GIGYF2: variants seen among roughly 807,000 people sequenced by gnomAD.
GIGYF2 encodes the protein GRB10 interacting GYF protein 2.
Under a neutral mutation model 208.1 loss-of-function variants are expected in GIGYF2, and 25 were observed. The ratio of observed to expected loss-of-function variants is 0.12; its 90% CI spans 0.09 to 0.17. The LOEUF (loss-of-function observed/expected upper bound fraction) is 0.17, where lower values mean the gene tolerates loss of function less well. Among genes scored for constraint, GIGYF2 ranks in the 10% least tolerant of loss-of-function variants. The pLI, the probability that GIGYF2 is intolerant of heterozygous loss-of-function variation, is 1.00. For synonymous variants in GIGYF2, 534 were observed against 543.8 expected (o/e 0.98, Z 0.25); for missense variants, 1,302 against 1,579.4 (o/e 0.82, Z 2.98).
intron 2 of GIGYF2, among the ~76,000 whole-genome samples, chr2:232,731,523 A>G (rs1467201501): frequency 6.6e-6 from 1 of 152,196 alleles, no homozygotes; most frequent in Non-Finnish European, 1.5e-5. Context: ...AAACCTTACA[A>G]TTGATGTGGT....
chr2:232,749,769 CTTAAG>C (rs1559402323), intron 5 of GIGYF2, among the ~76,000 whole-genome samples: 1 of 152,020 alleles, frequency 6.6e-6, no homozygotes, highest in African/African-American at 2.4e-5. Flanking sequence ...CTTTTTGACT[CTTAAG>C]GAAAAGGTAA....
chr2:232,747,908 C>G (rs940745670), intron 4 of GIGYF2, among the ~76,000 whole-genome samples, 164 bp downstream of exon 4: 1 of 151,952 alleles, frequency 6.6e-6, no homozygotes, highest in Non-Finnish European at 1.5e-5. Context: ...AACAGAGGAT[C>G]TTCTAAGTGT....
intron 3 of GIGYF2, among the ~76,000 whole-genome samples, chr2:232,746,519 T>C (rs1424916653): frequency 6.6e-6 from 1 of 152,202 alleles, no homozygotes; most frequent in African/African-American, 2.4e-5. Flanking sequence ...GTTTTTCCAC[T>C]TGCTGTCTGA....
At chr2:232,763,058 G>T (rs1698812007) in intron 8 of GIGYF2, among the ~76,000 whole-genome samples, 1 of 152,034 alleles carries the variant, frequency 6.6e-6, no homozygotes, top group African/African-American at 2.4e-5. Context: ...TGAGGAAATT[G>T]GGAACAGACT....
chr2:232,772,203 C>T (rs939707582), intron 8 of GIGYF2, among the ~76,000 whole-genome samples: 7 of 152,128 alleles, frequency 4.6e-5, no homozygotes, highest in African/African-American at 1.7e-4. Flanking sequence ...GGTGAGCCAC[C>T]ATACCTGGTC....
At chr2:232,835,833 G>T (rs1701571027) in intron 22 of GIGYF2, among the ~76,000 whole-genome samples, 1 of 152,048 alleles carries the variant, frequency 6.6e-6, no homozygotes, top group African/African-American at 2.4e-5. Flanking sequence ...TCCACTTATT[G>T]CTAGCTGATT....
chr2:232,775,225 C>T (rs1393835518), intron 8 of GIGYF2, among the ~76,000 whole-genome samples: 4 of 152,190 alleles, frequency 2.6e-5, no homozygotes, highest in East Asian at 1.9e-4. Context: ...GTGTAGAGAA[C>T]GCAGGATAAG....
At position 232,797,489 on chromosome 2, in the gene GIGYF2, TTGTGTGTGTGTGTGTGTG is replaced by T. The variant is rs67221198; in HGVS notation, c.1639+1288_1639+1305del. On this transcript the variant is annotated intron_variant, in intron 14 of 28. Coordinates refer to ENST00000373563, the MANE Select transcript of GIGYF2 (RefSeq NM_001103146.3). ...CTGGTAAGATACACGAGAGCAGGGCTTGTGTGTGTGTGTGTGTGTGTGTGTGTGTGTGTGTGTTTTAAC... is the reference window on the plus strand; with the variant it reads ...CTGGTAAGATACACGAGAGCAGGGCTTGTGTGTGTGTGTGTGTGTTTTAAC... 6.2e-5 allele frequency among the ~76,000 whole-genome samples: 9 copies of T among 145,090 alleles called. No homozygotes were observed. In the South Asian group the frequency reaches 2.0e-3, roughly 33 times the overall value.
chr2:232,754,478 T>C (rs1698456675), intron 5 of GIGYF2, among the ~76,000 whole-genome samples: 1 of 152,234 alleles, frequency 6.6e-6, no homozygotes, highest in African/African-American at 2.4e-5. Flanking sequence ...TGTGAAAATA[T>C]ATGAGTGTGT....
chr2:232,704,933 C>T (rs1179495134), intron 2 of GIGYF2, among the ~76,000 whole-genome samples: 1 of 133,748 alleles, frequency 7.5e-6, no homozygotes, highest in East Asian at 2.4e-4. Context: ...GATCTCTGCT[C>T]ACTGCAAGCT....
At chr2:232,782,056 A>T (rs1182077922) in intron 8 of GIGYF2, among the ~76,000 whole-genome samples, 2 of 152,154 alleles carry the variant, frequency 1.3e-5, no homozygotes, top group Non-Finnish European at 2.9e-5. Flanking sequence ...GGACCTGGGG[A>T]TCAGGTGCTA....
At chr2:232,836,804 C>T (rs951322233) in intron 22 of GIGYF2, among the ~76,000 whole-genome samples, 2 of 152,132 alleles carry the variant, frequency 1.3e-5, no homozygotes, top group African/African-American at 4.8e-5. Context: ...TTTATCCCAA[C>T]TTCTACTGTT....
intron 26 of GIGYF2, among the ~76,000 whole-genome samples, chr2:232,847,117 A>G (rs997364743): frequency 2.0e-5 from 3 of 152,266 alleles, no homozygotes; most frequent in Non-Finnish European, 4.4e-5. Context: ...TTCAGTCAGT[A>G]TAACATTCAG....
At chr2:232,797,526 T>TGTGTGTGTGTG (rs1553614943) in intron 14 of GIGYF2, among the ~76,000 whole-genome samples, 2 of 150,646 alleles carry the variant, frequency 1.3e-5, no homozygotes, top group African/African-American at 4.9e-5. Context: ...TGTGTGTGTG[T>TGTGTGTGTGTG]TTTAACCAAA....
intron 22 of GIGYF2, 64 bp from the exon 23 acceptor site, chr2:232,839,785 T>C: frequency 6.5e-7 from 1 of 1,550,150 alleles, no homozygotes; most frequent in South Asian, 1.1e-5. Flanking sequence ...CATAATGCAT[T>C]ATTGCTTCTT....
intron 21 of GIGYF2, among the ~76,000 whole-genome samples, chr2:232,828,957 A>T (rs1469980391): frequency 6.6e-6 from 1 of 152,302 alleles, no homozygotes; most frequent in Non-Finnish European, 1.5e-5. Flanking sequence ...GTAGTGTTTC[A>T]TGAATGACAA....
At chr2:232,760,211 CT>C (rs1420957106) in intron 6 of GIGYF2, 50 of 320,222 alleles carry the variant, frequency 1.6e-4, no homozygotes, top group African/African-American at 1.0e-3. Context: ...CGTTAAAGAA[CT>C]TAAAGTTGAT....
At chr2:232,766,755 G>A (rs1698979332) in intron 8 of GIGYF2, 1 of 152,158 alleles carries the variant, frequency 6.6e-6, no homozygotes, top group African/African-American at 2.4e-5. Flanking sequence ...GTGACTTGCT[G>A]CTGAGCCCTG....
chr2:232,821,276 T>G (rs1701073362), intron 21 of GIGYF2, among the ~76,000 whole-genome samples: 1 of 152,164 alleles, frequency 6.6e-6, no homozygotes, highest in African/African-American at 2.4e-5. Flanking sequence ...CATCTTGACT[T>G]ACTGCAGCCT....
Sources: allele counts gnomAD v4.1 joint callset (sites outside exome capture counted in the v4.1 genomes callset), GRCh38; gene constraint gnomAD v4.1.1; transcripts MANE v1.5; gene names NCBI Gene and HGNC (gene_info 2026-07-23, HGNC 2026-07-21).